The following NRXN1 variants were observed in gnomAD, a reference collection of about 807,000 sequenced individuals.
The protein encoded by NRXN1 is neurexin 1.
A neutral mutation model predicts 150.9 loss-of-function variants in NRXN1; 39 were observed. That is an observed-to-expected ratio of 0.26 (90% CI 0.20 to 0.34). The LOEUF (loss-of-function observed/expected upper bound fraction) is 0.34, where lower values mean the gene tolerates loss of function less well. Ranked by LOEUF, NRXN1 falls within the 10% of genes least tolerant of loss-of-function variation. The pLI is 1.00. For missense variants in NRXN1, 1,815 were observed against 1,949.9 expected (o/e 0.93, Z 1.30); for synonymous variants, 924 against 757.0 (o/e 1.22, Z -3.62).
intron 18 of NRXN1, among the ~76,000 whole-genome samples, chr2:50,110,491 CAAAAAAAAAAAAA>C (rs5831088): frequency 1.2e-5 from 1 of 85,628 alleles, no homozygotes; most frequent in Non-Finnish European, 2.3e-5. Context: ...GACTCTGTCT[CAAAAAAAAAAAAA>C]AAAAAAAAGA....
At chr2:50,099,252 A>T (rs1393375254) in intron 18 of NRXN1, among the ~76,000 whole-genome samples, 1 of 152,126 alleles carries the variant, frequency 6.6e-6, no homozygotes, top group African/African-American at 2.4e-5. Flanking sequence ...TATTAAAAAC[A>T]ACTTTAGGGT....
intron 18 of NRXN1, among the ~76,000 whole-genome samples, chr2:50,195,044 C>G (rs1477083381): frequency 6.6e-6 from 1 of 152,090 alleles, no homozygotes; most frequent in Non-Finnish European, 1.5e-5. Flanking sequence ...TTTTCTGTGC[C>G]CATTGACAGA....
At chr2:50,563,836 C>G (rs139982225) in intron 8 of NRXN1, among the ~76,000 whole-genome samples, 303 of 152,228 alleles carry the variant, frequency 2.0e-3, no homozygotes, top group African/African-American at 7.1e-3. Context: ...GTGGATTATC[C>G]AAACTGCATG....
chr2:50,868,849 A>G (rs1236995617), intron 5 of NRXN1, among the ~76,000 whole-genome samples: 1 of 151,858 alleles, frequency 6.6e-6, no homozygotes, highest in Non-Finnish European at 1.5e-5. Context: ...CAAAGTATAA[A>G]TTGTAGGATT....
At chr2:49,966,993 A>G (rs1250071549) in intron 21 of NRXN1, among the ~76,000 whole-genome samples, 1 of 152,160 alleles carries the variant, frequency 6.6e-6, no homozygotes, top group Admixed American at 6.5e-5. Flanking sequence ...CCAAGTGGAA[A>G]TCTGAGGAGC....
intron 17 of NRXN1, among the ~76,000 whole-genome samples, chr2:50,395,198 T>C (rs1469026691): frequency 6.6e-6 from 1 of 151,768 alleles, no homozygotes; most frequent in South Asian, 2.1e-4. Flanking sequence ...CACTTGCCCA[T>C]AAAGCCTGAC....
Position 50,919,996 on chromosome 2 carries a change from G to A in NRXN1, c.832+1873C>T, listed in dbSNP as rs72891343. On this transcript the variant is annotated intron_variant, in intron 5 of 22. Transcript: ENST00000401669. The stretch of plus-strand genomic sequence containing the variant: ...TATTTCTGCTCTAGAATATAGATTT[G>A]TTGAATTAATCTGCAATTAGAGAAG... The A allele has an allele frequency of 3.1e-3, 1,242 of 402,052 alleles. 15 individuals are homozygous for A. The highest frequency in any genetic ancestry group is 0.024 in the African/African-American group (1,157 of 47,934). The allele number at this position is 402,052 out of a possible 1,614,324, so 24.9% of individuals were successfully genotyped here. A position where few individuals can be genotyped will look rare whatever the true frequency, so the allele number is the denominator to read the frequency against.
chr2:50,353,549 C>T (rs1256679166), intron 17 of NRXN1, among the ~76,000 whole-genome samples: 1 of 152,062 alleles, frequency 6.6e-6, no homozygotes, highest in African/African-American at 2.4e-5. Context: ...CCAGTTTCCT[C>T]ATCTGGAAAA....
At chr2:50,297,647 C>G (rs1267650580) in intron 17 of NRXN1, among the ~76,000 whole-genome samples, 3 of 152,102 alleles carry the variant, frequency 2.0e-5, no homozygotes, top group Non-Finnish European at 4.4e-5. Context: ...TGTAAAGACT[C>G]AAGAGAAACA....
intron 17 of NRXN1, among the ~76,000 whole-genome samples, chr2:50,378,748 T>C (rs180995725): frequency 1.9e-3 from 293 of 152,258 alleles, no homozygotes; most frequent in African/African-American, 7.0e-3. Context: ...ATGCAGTTTA[T>C]TCTGAAAAGT....
intron 17 of NRXN1, among the ~76,000 whole-genome samples, chr2:50,362,385 C>G (rs1293502140): frequency 1.3e-5 from 2 of 152,142 alleles, no homozygotes; most frequent in Non-Finnish European, 2.9e-5. Context: ...AACTGATGAG[C>G]AAATTCAACA....
chr2:50,268,077 C>A (rs1034541885), intron 17 of NRXN1, among the ~76,000 whole-genome samples: 1 of 152,044 alleles, frequency 6.6e-6, no homozygotes, highest in Non-Finnish European at 1.5e-5. Flanking sequence ...GTAAACCCAG[C>A]TACTTGGGAG....
chr2:50,219,958 A>ATATTG (rs1186573851), intron 18 of NRXN1, among the ~76,000 whole-genome samples: 1 of 72,512 alleles, frequency 1.4e-5, no homozygotes, highest in Admixed American at 1.5e-4. Flanking sequence ...TATATAATAT[A>ATATTG]TATATTATAT....
chr2:50,980,370 A>C (rs550452666), intron 2 of NRXN1, among the ~76,000 whole-genome samples: 1 of 152,262 alleles, frequency 6.6e-6, no homozygotes, highest in African/African-American at 2.4e-5. Flanking sequence ...TTCATTCAAA[A>C]GTTTTTACCT....
chr2:50,521,266 T>C (rs1356179707), intron 12 of NRXN1, among the ~76,000 whole-genome samples: 2 of 152,192 alleles, frequency 1.3e-5, no homozygotes, highest in Non-Finnish European at 2.9e-5. Context: ...AAGGCAATTG[T>C]CTTTGAAATT....
chr2:50,040,049 T>G (rs996660977), intron 21 of NRXN1, among the ~76,000 whole-genome samples: 3 of 152,130 alleles, frequency 2.0e-5, no homozygotes, highest in African/African-American at 7.2e-5. Flanking sequence ...TAAATGGTCT[T>G]CATTGTTTTC....
chr2:50,576,040 G>A (rs1309954125), intron 8 of NRXN1, among the ~76,000 whole-genome samples: 1 of 152,092 alleles, frequency 6.6e-6, no homozygotes, highest in East Asian at 1.9e-4. Context: ...ACAGCAGGGA[G>A]GGGGAGAAAG....
intron 18 of NRXN1, among the ~76,000 whole-genome samples, chr2:50,098,835 T>G (rs1700603270): frequency 6.5e-4 from 4 of 6,112 alleles, no homozygotes; most frequent in African/African-American, 3.2e-3. Context: ...TTTTAGTTTT[T>G]TTTTTTTTTT....
intron 18 of NRXN1, among the ~76,000 whole-genome samples, chr2:50,168,607 T>C (rs956931520): frequency 3.3e-5 from 5 of 152,214 alleles, no homozygotes; most frequent in African/African-American, 1.2e-4. Context: ...ATTTTTGAGG[T>C]TGCCAGAATC....
Sources: allele counts gnomAD v4.1 joint callset (sites outside exome capture counted in the v4.1 genomes callset), GRCh38; gene constraint gnomAD v4.1.1; transcripts MANE v1.5; gene names NCBI Gene and HGNC (gene_info 2026-07-23, HGNC 2026-07-21).